The following CA8 variants were observed in gnomAD, a reference collection of about 807,000 sequenced individuals.
CA8 encodes carbonic anhydrase-related protein.
In CA8, 22 loss-of-function variants were observed where a neutral mutation model predicts 41.4. The ratio of observed to expected loss-of-function variants is 0.53; its 90% confidence interval spans 0.38 to 0.76. The LOEUF (loss-of-function observed/expected upper bound fraction) is 0.76. CA8 is among the 30% of genes least tolerant of loss of function. The probability of loss-of-function intolerance (pLI) is 0.00; values close to 1 mark genes in which losing one functional copy is unlikely to be tolerated. For synonymous variants in CA8, 121 were observed against 130.6 expected, an observed-to-expected ratio of 0.93 and a Z score of 0.50; for missense variants, 270 against 352.8, an observed-to-expected ratio of 0.77 and a Z score of 1.88.
intron 3 of CA8, among the ~76,000 whole-genome samples, chr8:60,239,709 A>G (rs909688320): frequency 2.0e-5 from 3 of 152,160 alleles, no homozygotes; most frequent in Non-Finnish European, 4.4e-5. Flanking sequence ...TGTAGCTCCC[A>G]TAATTCTCAC....
intron 2 of CA8, among the ~76,000 whole-genome samples, chr8:60,268,775 A>C (rs1472154728): frequency 6.6e-6 from 1 of 152,202 alleles, no homozygotes; most frequent in East Asian, 1.9e-4. Flanking sequence ...CCTGAAGTGT[A>C]AATTCATATA....
chr8:60,254,661 G>A (rs558573398), intron 3 of CA8, among the ~76,000 whole-genome samples: 1 of 152,328 alleles, frequency 6.6e-6, no homozygotes, highest in African/African-American at 2.4e-5. Context: ...CCCTGGACCA[G>A]GGTCACAGTC....
At chr8:60,240,981 A>G (rs147855355) in intron 3 of CA8, among the ~76,000 whole-genome samples, 1 of 149,478 alleles carries the variant, frequency 6.7e-6, no homozygotes, top group African/African-American at 2.4e-5. Flanking sequence ...AAGGAAACAG[A>G]AAGTAGAACA....
Position 60,216,226 on chromosome 8 carries a change from T to C in CA8, c.738+6423A>G, listed in dbSNP as rs544488309. On this transcript the variant is annotated intron_variant, in intron 7 of 8. Transcript: ENST00000317995. The stretch of plus-strand genomic sequence containing the variant: ...CTTTGGACCTTTTCCATTTTTACTC[T>C]GCTTCCTGTGAAATTCTATGAGCAG... Among the ~76,000 whole-genome samples the C allele has an allele frequency of 5.3e-5, 8 of 152,350 alleles. No individual in the cohort carries two copies. The East Asian group carries it at 1.5e-3, about 29-fold the overall frequency.
At chr8:60,279,976 A>C in intron 1 of CA8, 96 bp from the exon 2 acceptor site, 1 of 921,480 alleles carries the variant, frequency 1.1e-6, no homozygotes, top group Non-Finnish European at 1.7e-6. Flanking sequence ...CCTTGATATC[A>C]TGAAGAGAGT....
intron 5 of CA8, 118 bp from the exon 6 acceptor site, chr8:60,224,703 C>A (rs1807366196): frequency 1.5e-6 from 1 of 689,136 alleles, no homozygotes. Context: ...CTCATCAGGT[C>A]CCACAGACTT....
At chr8:60,241,873 T>C (rs1808040765) in intron 3 of CA8, among the ~76,000 whole-genome samples, 1 of 152,212 alleles carries the variant, frequency 6.6e-6, no homozygotes, top group Non-Finnish European at 1.5e-5. Context: ...TTATAGAATG[T>C]AAGTCATTTA....
intron 3 of CA8, among the ~76,000 whole-genome samples, chr8:60,246,267 G>A (rs920201016): frequency 7.1e-5 from 10 of 141,194 alleles, no homozygotes; most frequent in East Asian, 5.9e-4. Flanking sequence ...TTTTTATTAC[G>A]AATAATGCAT....
chr8:60,208,719 A>C (rs2130423524), intron 8 of CA8, 31 bp downstream of exon 8: 7 of 1,583,916 alleles, frequency 4.4e-6, no homozygotes, highest in Non-Finnish European at 6.1e-6. Context: ...GTAGCTGTGC[A>C]CCTCATTTTC....
At chr8:60,257,162 G>C (rs1219175999) in intron 3 of CA8, among the ~76,000 whole-genome samples, 1 of 152,038 alleles carries the variant, frequency 6.6e-6, no homozygotes, top group Non-Finnish European at 1.5e-5. Flanking sequence ...ATCTTCAGTA[G>C]AAACAGGATT....
Position 60,208,855 on chromosome 8 carries a change from C to T in CA8, c.803G>A (p.Gly268Glu). ...GGGCCGAAAGTTGTCTCCCAAAATC[C>T]CATCACAGCCTTCCACAAGTTCTGC... ...KGAELVEGCD[G>E]ILGDNFRPTQ... Residue 268 changes from glycine to glutamate, a missense_variant, in exon 8 of 9, where the codon GGG (glycine) becomes GAG (glutamate). Physicochemically the swap from Gly to Glu is moderately conservative, Grantham distance 98. Coordinates refer to ENST00000317995, the MANE Select transcript of CA8 (RefSeq NM_004056.6). 1 of 1,614,182 alleles carries T rather than the reference C, an allele frequency of 6.2e-7. No homozygotes were observed. The highest frequency in any genetic ancestry group is 8.5e-7 in the Non-Finnish European group (1 of 1,180,026).
At chr8:60,200,147 A>G (rs910036444) in intron 8 of CA8, among the ~76,000 whole-genome samples, 2 of 152,236 alleles carry the variant, frequency 1.3e-5, no homozygotes, top group African/African-American at 2.4e-5. Context: ...CCATGTGAGG[A>G]CACAGTGAGA....
chr8:60,233,168 C>T (rs558648266), intron 3 of CA8, among the ~76,000 whole-genome samples: 1 of 152,276 alleles, frequency 6.6e-6, no homozygotes, highest in African/African-American at 2.4e-5. Context: ...GTAGGTAAAC[C>T]TTCTGCCTAG....
At chr8:60,245,006 T>C (rs973236526) in intron 3 of CA8, among the ~76,000 whole-genome samples, 1 of 152,160 alleles carries the variant, frequency 6.6e-6, no homozygotes, top group South Asian at 2.1e-4. Context: ...AAAACAGACA[T>C]AACATCTACC....
intron 5 of CA8, 78 bp downstream of exon 5, chr8:60,226,795 A>G (rs1807455225): frequency 1.3e-6 from 1 of 789,966 alleles, no homozygotes; most frequent in Non-Finnish European, 2.2e-6. Flanking sequence ...TCCTTCTAAC[A>G]CAGCATCGAG....
intron 2 of CA8, among the ~76,000 whole-genome samples, chr8:60,273,561 T>C (rs1287645232): frequency 5.3e-5 from 8 of 152,164 alleles, no homozygotes; most frequent in Non-Finnish European, 7.4e-5. Flanking sequence ...ATGGGGTACA[T>C]GCAGGAGAAG....
chr8:60,256,893 A>T (rs986240931), intron 3 of CA8, among the ~76,000 whole-genome samples: 2 of 152,268 alleles, frequency 1.3e-5, no homozygotes, highest in Middle Eastern at 3.4e-3. Flanking sequence ...TTTTAAAGAA[A>T]AAAGAAGACT....
chr8:60,254,902 A>G (rs185197363), intron 3 of CA8, among the ~76,000 whole-genome samples: 230 of 152,364 alleles, frequency 1.5e-3, no homozygotes, highest in African/African-American at 5.0e-3. Flanking sequence ...TGGAGCAAAC[A>G]AAAAGGGATG....
intron 3 of CA8, among the ~76,000 whole-genome samples, chr8:60,233,549 C>G (rs1004000658): frequency 1.3e-5 from 2 of 152,314 alleles, no homozygotes; most frequent in East Asian, 3.9e-4. Flanking sequence ...GTAAATGCAA[C>G]TGAAAGGCAC....
Sources: allele counts gnomAD v4.1 joint callset (sites outside exome capture counted in the v4.1 genomes callset), GRCh38; gene constraint gnomAD v4.1.1; transcripts MANE v1.5; gene names NCBI Gene and HGNC (gene_info 2026-07-23, HGNC 2026-07-21).